ONECUT2: variants seen among roughly 807,000 people sequenced by gnomAD.
The protein encoded by ONECUT2 is one cut homeobox 2.
In ONECUT2, 10 loss-of-function variants were observed where a neutral mutation model predicts 27.9. The observed-to-expected ratio is 0.36, with a 90% CI of 0.22 to 0.61. The LOEUF (loss-of-function observed/expected upper bound fraction) is 0.61. Among genes scored for constraint, ONECUT2 ranks in the 20% least tolerant of loss-of-function variants. The pLI is 0.73. For synonymous variants in ONECUT2, 334 were observed against 315.1 expected (o/e 1.06, Z -0.64); for missense variants, 686 against 721.0 (o/e 0.95, Z 0.56).
At position 57,476,528 on chromosome 18, in the gene ONECUT2, A is replaced by G; in HGVS notation, c.1320A>G (p.Thr440=). ...RLVFTDLQRR[T]LFAIFKENKR... The stretch of plus-strand genomic sequence containing the variant: ...TGTTCACTGACCTCCAACGCCGAAC[A>G]CTCTTCGCCATCTTCAAGGAGAACA... The change falls in exon 2 of 2, where the codon ACA becomes ACG. Residue 440 remains threonine, a synonymous_variant. Transcript: ENST00000491143. The G allele has an allele frequency of 6.2e-7, 1 of 1,614,122 alleles. No homozygotes were observed.
chr18:57,487,908 A>G lies in ONECUT2; in HGVS notation c.*11185A>G, dbSNP rs1236072756. On this transcript the variant is annotated 3_prime_UTR_variant, in exon 2 of 2. Transcript: ENST00000491143. ...ACTTGGGTTCAAAGACCCATTCTCC[A>G]GTTTCATATTTCCCAAACCAAAATG... 1 of 152,188 alleles carries G rather than the reference A, an allele frequency of 6.6e-6. No homozygotes were observed. Among genetic ancestry groups the G allele is most frequent in the Non-Finnish European group, 1.5e-5 (1 of 68,024 alleles). 9.4% of individuals were successfully genotyped at this position (152,188 alleles called of 1,614,324 possible).
In ONECUT2 at chr18:57,488,846, T is replaced by A. The variant is rs2122170881; in HGVS notation, c.*12123T>A. Reference sequence around the variant, plus strand: ...GGTAGGTTTTGGTACTAGGAAGAAATCTCTGTATCTGTCAGCTTTAAAGAG... The same window carrying A: ...GGTAGGTTTTGGTACTAGGAAGAAAACTCTGTATCTGTCAGCTTTAAAGAG... On this transcript the variant is annotated 3_prime_UTR_variant, in exon 2 of 2. Coordinates refer to ENST00000491143, the MANE Select transcript of ONECUT2 (RefSeq NM_004852.3). 6.6e-6 allele frequency: 1 copy of A among 152,108 alleles called. No homozygotes were observed. The highest frequency in any genetic ancestry group is 2.0e-4 in the East Asian group (1 of 5,128). 9.4% of individuals were successfully genotyped at this position (152,108 alleles called of 1,614,324 possible).
In ONECUT2 at chr18:57,478,971, G is replaced by A. The variant is rs1260040059; in HGVS notation, c.*2248G>A. 6.6e-6 allele frequency: 1 copy of A among 152,538 alleles called. No homozygotes were observed. Among genetic ancestry groups the A allele is most frequent in the Non-Finnish European group, 1.5e-5 (1 of 68,040 alleles). 9.4% of individuals were successfully genotyped at this position (152,538 alleles called of 1,614,324 possible). A position where few individuals can be genotyped will look rare whatever the true frequency, so the allele number is the denominator to read the frequency against. On this transcript the variant is annotated 3_prime_UTR_variant, in exon 2 of 2. Transcript: ENST00000491143. ...ATGGAATCTCTCAAAAGTTTCCATG[G>A]ACTCCAAGTTTAAGATGTTGGGATA...
chr18:57,487,011 A>G lies in ONECUT2; in HGVS notation c.*10288A>G, dbSNP rs1401459476. 6.6e-6 allele frequency: 1 copy of G among 152,632 alleles called. No individual in the cohort carries two copies. Among genetic ancestry groups the G allele is most frequent in the Non-Finnish European group, 1.5e-5 (1 of 68,046 alleles). 9.5% of individuals were successfully genotyped at this position (152,632 alleles called of 1,614,324 possible). On this transcript the variant is annotated 3_prime_UTR_variant, in exon 2 of 2. Coordinates refer to ENST00000491143, the MANE Select transcript of ONECUT2 (RefSeq NM_004852.3). ...TGAACTAGATCTTCCCCTTTGGTTCAATGGACTTTATTTATGCATGGGCGC... is the reference window on the plus strand; with the variant it reads ...TGAACTAGATCTTCCCCTTTGGTTCGATGGACTTTATTTATGCATGGGCGC...
At position 57,479,008 on chromosome 18, in the gene ONECUT2, T is replaced by C. The variant is rs1272722764; in HGVS notation, c.*2285T>C. On this transcript the variant is annotated 3_prime_UTR_variant, in exon 2 of 2. Transcript: ENST00000491143. ...AAGATGTTGGGATATTGAACAGTTCTCTCTGCTCAGCAGAGGGTAGGGAAT... is the reference window on the plus strand; with the variant it reads ...AAGATGTTGGGATATTGAACAGTTCCCTCTGCTCAGCAGAGGGTAGGGAAT... 6.6e-6 allele frequency: 1 copy of C among 152,658 alleles called. No individual in the cohort carries two copies. Among genetic ancestry groups the C allele is most frequent in the Non-Finnish European group, 1.5e-5 (1 of 68,036 alleles). 9.5% of individuals were successfully genotyped at this position (152,658 alleles called of 1,614,324 possible).
rs2050406382 is a variant in ONECUT2 at position 57,479,787 on chromosome 18, T to TG, written c.*3065dup. On this transcript the variant is annotated 3_prime_UTR_variant, in exon 2 of 2. Transcript: ENST00000491143. ...GTCCATTTTCACCAGTTAAAGAATATGAGGCCAGCCCAGAAATCTGTTCTC... is the reference window on the plus strand; with the variant it reads ...GTCCATTTTCACCAGTTAAAGAATATGGAGGCCAGCCCAGAAATCTGTTCTC... 6.6e-6 allele frequency: 1 copy of TG among 152,318 alleles called. No individual in the cohort carries two copies. The highest frequency in any genetic ancestry group is 1.5e-5 in the Non-Finnish European group (1 of 68,032). The allele number at this position is 152,318 out of a possible 1,614,324, so 9.4% of individuals were successfully genotyped here.
intron 1 of ONECUT2, among the ~76,000 whole-genome samples, chr18:57,463,285 A>G (rs1305555850): frequency 6.6e-6 from 1 of 151,892 alleles, no homozygotes; most frequent in Non-Finnish European, 1.5e-5. Flanking sequence ...GTCCTTTTCC[A>G]CTGGTCTGGA....
At chr18:57,447,775 C>A (rs2050208903) in intron 1 of ONECUT2, among the ~76,000 whole-genome samples, 2 of 152,112 alleles carry the variant, frequency 1.3e-5, no homozygotes, top group Non-Finnish European at 2.9e-5. Flanking sequence ...TTATATTAAA[C>A]AATATTCTCA....
intron 1 of ONECUT2, among the ~76,000 whole-genome samples, chr18:57,462,249 T>C (rs1032752021): frequency 2.0e-5 from 3 of 152,270 alleles, no homozygotes; most frequent in East Asian, 1.9e-4. Flanking sequence ...TGTTTTTCTA[T>C]TGGAATGTTT....
chr18:57,475,321 G>T (rs2050376355), intron 1 of ONECUT2, among the ~76,000 whole-genome samples: 1 of 152,102 alleles, frequency 6.6e-6, no homozygotes, highest in African/African-American at 2.4e-5. Context: ...CTCCCAAAGT[G>T]CTGGGATTAC....
intron 1 of ONECUT2, among the ~76,000 whole-genome samples, chr18:57,441,189 T>A (rs2144292834): frequency 6.6e-6 from 1 of 152,308 alleles, no homozygotes; most frequent in South Asian, 2.1e-4. Context: ...CAAACAAATG[T>A]GTATATGGAG....
At chr18:57,445,430 A>G (rs1444969805) in intron 1 of ONECUT2, among the ~76,000 whole-genome samples, 1 of 152,102 alleles carries the variant, frequency 6.6e-6, no homozygotes, top group East Asian at 1.9e-4. Flanking sequence ...TGCCTCCAGA[A>G]CCATCGGCAC....
chr18:57,460,268 G>A (rs1227163305), intron 1 of ONECUT2, among the ~76,000 whole-genome samples: 1 of 152,042 alleles, frequency 6.6e-6, no homozygotes, highest in Admixed American at 6.6e-5. Context: ...TAATTTTTCT[G>A]AAGTTGCTTT....
At chr18:57,466,249 G>A (rs149030411) in intron 1 of ONECUT2, among the ~76,000 whole-genome samples, 331 of 152,280 alleles carry the variant, frequency 2.2e-3, no homozygotes, top group African/African-American at 7.5e-3. Context: ...AACAGTTGGA[G>A]GACTCAGATG....
In ONECUT2 at chr18:57,439,674, C is replaced by T. The variant is rs1032631394; in HGVS notation, c.1228+2730C>T. Reference sequence around the variant, plus strand: ...CCGCCCGGAGTATCGATCGGAATCCCCGCCGGTACGCCGCAGAGGGCCCTC... The same window carrying T: ...CCGCCCGGAGTATCGATCGGAATCCTCGCCGGTACGCCGCAGAGGGCCCTC... On this transcript the variant is annotated intron_variant, in intron 1 of 1. Coordinates refer to ENST00000491143, the MANE Select transcript of ONECUT2 (RefSeq NM_004852.3). Among the ~76,000 whole-genome samples, 11 of 152,182 alleles carry T rather than the reference C, an allele frequency of 7.2e-5. 1 individual carries two copies. Among genetic ancestry groups the T allele is most frequent in the Non-Finnish European group, 1.0e-4 (7 of 68,034 alleles).
intron 1 of ONECUT2, among the ~76,000 whole-genome samples, chr18:57,442,321 C>T (rs1307206939): frequency 6.8e-6 from 1 of 146,576 alleles, no homozygotes; most frequent in Non-Finnish European, 1.5e-5. Context: ...GGGTATCAAT[C>T]GGGAGGGAAA....
chr18:57,457,471 C>T (rs1404229933), intron 1 of ONECUT2, among the ~76,000 whole-genome samples: 3 of 152,172 alleles, frequency 2.0e-5, no homozygotes, highest in Admixed American at 6.5e-5. Context: ...AACTCCCTCC[C>T]CTGCCCCTAC....
At position 57,483,377 on chromosome 18, in the gene ONECUT2, G is replaced by A. The variant is rs2050424972; in HGVS notation, c.*6654G>A. ...TAGACTATCAAATGAAGTTATACATGTTGTCAGTCAAAAAATGAAGACACC... is the reference window on the plus strand; with the variant it reads ...TAGACTATCAAATGAAGTTATACATATTGTCAGTCAAAAAATGAAGACACC... On this transcript the variant is annotated 3_prime_UTR_variant, in exon 2 of 2. Coordinates refer to ENST00000491143, the MANE Select transcript of ONECUT2 (RefSeq NM_004852.3). The A allele has an allele frequency of 6.6e-6, 1 of 152,548 alleles. No homozygotes were observed. 9.4% of individuals were successfully genotyped at this position (152,548 alleles called of 1,614,324 possible).
intron 1 of ONECUT2, among the ~76,000 whole-genome samples, chr18:57,450,872 A>G (rs1387414795): frequency 6.6e-6 from 1 of 152,156 alleles, no homozygotes; most frequent in Non-Finnish European, 1.5e-5. Context: ...TTTTAATTTT[A>G]TATTTTATTA....
Sources: gnomAD v4.1 joint callset for allele counts (sites outside exome capture counted in the v4.1 genomes callset) on GRCh38, gnomAD v4.1.1 for gene constraint, MANE v1.5 for transcripts, NCBI Gene and HGNC (gene_info 2026-07-23, HGNC 2026-07-21) for gene names.